LYRM7: variants seen among roughly 807,000 people sequenced by gnomAD.
The protein encoded by LYRM7 is complex III assembly factor LYRM7.
LYRM7 carries 9 observed loss-of-function variants against 15.8 expected under a neutral mutation model. The ratio of observed to expected loss-of-function variants is 0.57; its 90% CI spans 0.34 to 0.99. The LOEUF is 0.99. Among genes scored for constraint, LYRM7 ranks in the 50% least tolerant of loss-of-function variants. The pLI is 0.02. For synonymous variants in LYRM7, 39 were observed against 39.4 expected (o/e 0.99, Z 0.04); for missense variants, 115 against 119.1 (o/e 0.97, Z 0.16).
At position 131,204,467 on chromosome 5, in the gene LYRM7, T is replaced by TACACACACACACACACAC. The variant is rs34794118; in HGVS notation, c.*4896_*4913dup. ...TTCCAAGAGTTGAAAAGGATGAGGA[T>TACACACACACACACACAC]ACACACACACACACACACACACACA... is the stretch of plus-strand genomic sequence containing the variant. On this transcript the variant is annotated 3_prime_UTR_variant, in exon 5 of 5. Transcript: ENST00000379380. 6.9e-5 allele frequency: 9 copies of TACACACACACACACACAC among 130,812 alleles called. No homozygotes were observed. The highest frequency in any genetic ancestry group is 2.8e-4 in the South Asian group (1 of 3,558). 8.1% of individuals were successfully genotyped at this position (130,812 alleles called of 1,614,324 possible).
intron 1 of LYRM7, among the ~76,000 whole-genome samples, chr5:131,175,290 C>A (rs1448990962): frequency 1.3e-5 from 2 of 151,448 alleles, no homozygotes; most frequent in Non-Finnish European, 2.9e-5. Flanking sequence ...ACCCCTGCCT[C>A]CCAGGTTCAA....
chr5:131,175,815 G>T (rs1304446515), intron 1 of LYRM7, among the ~76,000 whole-genome samples: 2 of 152,030 alleles, frequency 1.3e-5, no homozygotes, highest in Non-Finnish European at 2.9e-5. Context: ...CTGGAGTGCA[G>T]TGGCACCATC....
At chr5:131,171,302 CG>C (rs1199240126) in intron 1 of LYRM7, among the ~76,000 whole-genome samples, 1 of 152,058 alleles carries the variant, frequency 6.6e-6, no homozygotes, top group Non-Finnish European at 1.5e-5. Flanking sequence ...TACAAATCTG[CG>C]ACTTGAGTTC....
intron 4 of LYRM7, among the ~76,000 whole-genome samples, chr5:131,195,749 G>A (rs1255015338): frequency 6.6e-6 from 1 of 152,154 alleles, no homozygotes; most frequent in Non-Finnish European, 1.5e-5. Flanking sequence ...AGCTTATAAA[G>A]TTTTTGAGTG....
rs1370313256 is a variant in LYRM7, at chr5:131,170,957, A to C, written c.-64A>C. ...GGGGCTGGAAACAGTTCAGTCTTTG[A>C]TTGGTTGCTGAGAGGCGGGGCTACT... On this transcript the variant is annotated 5_prime_UTR_variant, in exon 1 of 5. Transcript: ENST00000379380. The C allele has an allele frequency of 1.3e-6, 2 of 1,525,840 alleles. No homozygotes were observed. The highest frequency in any genetic ancestry group is 1.8e-6 in the Non-Finnish European group (2 of 1,142,554). The allele number at this position is 1,525,840 out of a possible 1,614,324, so 94.5% of individuals were successfully genotyped here.
chr5:131,199,672 A>ACG lies in LYRM7; in HGVS notation c.*71_*72insCG. ...CTACAACTCTGGCAAAAGTCCTGGAAATGCAGACATTTTCCCTGAACTGGC... is the reference window on the plus strand; with the variant it reads ...CTACAACTCTGGCAAAAGTCCTGGAACGATGCAGACATTTTCCCTGAACTGGC... On this transcript the variant is annotated 3_prime_UTR_variant, in exon 5 of 5. Coordinates refer to ENST00000379380, the MANE Select transcript of LYRM7 (RefSeq NM_181705.4). 1 of 1,053,324 alleles carries ACG rather than the reference A, an allele frequency of 9.5e-7. No homozygotes were observed. The highest frequency in any genetic ancestry group is 1.4e-6 in the Non-Finnish European group (1 of 715,642). 65.2% of individuals were successfully genotyped at this position (1,053,324 alleles called of 1,614,324 possible). A position where few individuals can be genotyped will look rare whatever the true frequency, so the allele number is the denominator to read the frequency against.
At chr5:131,190,429 T>C (rs60086005) in intron 4 of LYRM7, among the ~76,000 whole-genome samples, 26,972 of 151,366 alleles carry the variant, frequency 0.18, 2,899 homozygotes, top group African/African-American at 0.3. Flanking sequence ...CTCTTGATCT[T>C]GTGATCCGCC....
chr5:131,181,646 C>T (rs1047246301), intron 2 of LYRM7, among the ~76,000 whole-genome samples: 4 of 151,324 alleles, frequency 2.6e-5, no homozygotes, highest in African/African-American at 7.3e-5. Flanking sequence ...TTCCATTAAA[C>T]GCTCACAGCA....
At chr5:131,190,096 T>C (rs994152551) in intron 4 of LYRM7, among the ~76,000 whole-genome samples, 4 of 146,482 alleles carry the variant, frequency 2.7e-5, no homozygotes, top group Non-Finnish European at 5.9e-5. Context: ...ATCGCACCAC[T>C]GCACCTCAGC....
chr5:131,193,791 A>C (rs959646006), intron 4 of LYRM7, among the ~76,000 whole-genome samples: 3 of 152,146 alleles, frequency 2.0e-5, no homozygotes, highest in South Asian at 2.1e-4. Context: ...ACGTGGATCA[A>C]CTGAGGTCAG....
At chr5:131,199,470 T>G (rs1291998165) in intron 4 of LYRM7, 61 bp from the exon 5 acceptor site, 1 of 1,145,606 alleles carries the variant, frequency 8.7e-7, no homozygotes, top group African/African-American at 1.6e-5. Flanking sequence ...GAAATGAGTG[T>G]CCTTGCATTT....
chr5:131,195,190 C>G (rs1052473145), intron 4 of LYRM7, among the ~76,000 whole-genome samples: 2 of 152,068 alleles, frequency 1.3e-5, no homozygotes, highest in African/African-American at 2.4e-5. Context: ...ATTGCTTGAA[C>G]ATGGGAGGCA....
chr5:131,174,523 C>T (rs1474538220), intron 1 of LYRM7, among the ~76,000 whole-genome samples: 1 of 152,190 alleles, frequency 6.6e-6, no homozygotes, highest in East Asian at 1.9e-4. Flanking sequence ...TCAGAGGAAT[C>T]ACTGTCTATG....
In LYRM7 at chr5:131,171,048, C is replaced by A; in HGVS notation, c.18+10C>A. The A allele has an allele frequency of 6.5e-7, 1 of 1,527,372 alleles. No individual in the cohort carries two copies. The highest frequency in any genetic ancestry group is 8.7e-7 in the Non-Finnish European group (1 of 1,147,788). 94.6% of individuals were successfully genotyped at this position (1,527,372 alleles called of 1,614,324 possible). A position where few individuals can be genotyped will look rare whatever the true frequency, so the allele number is the denominator to read the frequency against. Reference sequence around the variant, plus strand: ...GGGACGGGCAGTCAAGGTGACAGGGCCCGGGAAGGGGTGGGTACGATGCCG... The same window carrying A: ...GGGACGGGCAGTCAAGGTGACAGGGACCGGGAAGGGGTGGGTACGATGCCG... On this transcript the variant is annotated intron_variant, in intron 1 of 4. Coordinates refer to ENST00000379380, the MANE Select transcript of LYRM7 (RefSeq NM_181705.4).
chr5:131,199,546 A>G lies in LYRM7; in HGVS notation c.260A>G (p.Lys87Arg). The change falls in exon 5 of 5, where the codon AAA (lysine) becomes AGA (arginine). Residue 87 changes from lysine (K) to arginine (R), a missense_variant. Transcript: ENST00000379380. ...TTTCTTTCAGAACTGGTCCCTAGGA[A>G]AGACCTTCTTGTAGAAAATGTGCCA... ...DHNTLKLVPRKDLLVENVPYC... is the reference protein window; with the variant it reads ...DHNTLKLVPRRDLLVENVPYC... 3.1e-6 allele frequency: 5 copies of G among 1,603,108 alleles called. No homozygotes were observed. The highest frequency in any genetic ancestry group is 4.3e-6 in the Non-Finnish European group (5 of 1,174,900).
In LYRM7 at chr5:131,203,970, T is replaced by A. The variant is rs181837467; in HGVS notation, c.*4369T>A. ...GAGAAATGTAAATTAAAATGAAACA[T>A]GTTTGTTCATCAAGTTGTCACAAGT... is the stretch of plus-strand genomic sequence containing the variant. On this transcript the variant is annotated 3_prime_UTR_variant, in exon 5 of 5. Coordinates refer to ENST00000379380, the MANE Select transcript of LYRM7 (RefSeq NM_181705.4). 1 of 152,296 alleles carries A rather than the reference T, an allele frequency of 6.6e-6. No homozygotes were observed. Among genetic ancestry groups the A allele is most frequent in the East Asian group, 1.9e-4 (1 of 5,192 alleles). The allele number at this position is 152,296 out of a possible 1,614,324, so 9.4% of individuals were successfully genotyped here.
chr5:131,195,207 G>GAA (rs1439165031), intron 4 of LYRM7, among the ~76,000 whole-genome samples: 98 of 152,258 alleles, frequency 6.4e-4, no homozygotes, highest in African/African-American at 2.2e-3. Context: ...GGCAGAGGTT[G>GAA]CAGTGAGCCG....
chr5:131,194,526 C>T (rs1356397522), intron 4 of LYRM7, among the ~76,000 whole-genome samples: 1 of 152,094 alleles, frequency 6.6e-6, no homozygotes, highest in Non-Finnish European at 1.5e-5. Flanking sequence ...CAGGCACAGG[C>T]GTTTGATTAG....
intron 1 of LYRM7, among the ~76,000 whole-genome samples, chr5:131,179,473 C>G (rs58246429): frequency 6.8e-5 from 5 of 73,170 alleles, no homozygotes; most frequent in South Asian, 5.2e-4. Flanking sequence ...TTTTTTTTTT[C>G]TTTTTTTTTT....
Sources: gnomAD v4.1 joint callset for allele counts (sites outside exome capture counted in the v4.1 genomes callset) on GRCh38, gnomAD v4.1.1 for gene constraint, MANE v1.5 for transcripts, NCBI Gene and HGNC (gene_info 2026-07-23, HGNC 2026-07-21) for gene names.